The following SPON1 variants were observed in gnomAD, a reference collection of about 807,000 sequenced individuals.
SPON1 encodes spondin 1.
A neutral mutation model predicts 111.7 loss-of-function variants in SPON1; 52 were observed. The ratio of observed to expected loss-of-function variants is 0.47; its 90% CI spans 0.37 to 0.59. The LOEUF is 0.59. Among genes scored for constraint, SPON1 ranks in the 20% least tolerant of loss-of-function variants. SPON1 has a pLI of 0.00. For missense variants in SPON1, 957 were observed against 1,068.5 expected, an observed-to-expected ratio of 0.90 and a Z score of 1.46; for synonymous variants, 410 against 395.8, an observed-to-expected ratio of 1.04 and a Z score of -0.43.
rs11238 is a variant in SPON1, at chr11:14,266,582, G to A, written c.*895G>A. Reference sequence around the variant, plus strand: ...AAAATCTTCCTACACACATCTAGACGTTCAAGTTTGCAAATCAGTTTTTAG... The same window carrying A: ...AAAATCTTCCTACACACATCTAGACATTCAAGTTTGCAAATCAGTTTTTAG... On this transcript the variant is annotated 3_prime_UTR_variant, in exon 16 of 16. Transcript: ENST00000576479. 6 of 151,764 alleles carry A rather than the reference G, an allele frequency of 4.0e-5. No individual in the cohort carries two copies. Among genetic ancestry groups the A allele is most frequent in the African/African-American group, 1.5e-4 (6 of 41,320 alleles). The allele number at this position is 151,764 out of a possible 1,614,324, so 9.4% of individuals were successfully genotyped here.
At chr11:14,112,733 C>T (rs1849235388) in intron 5 of SPON1, among the ~76,000 whole-genome samples, 1 of 152,250 alleles carries the variant, frequency 6.6e-6, no homozygotes, top group Admixed American at 6.5e-5. Flanking sequence ...TGCTATCCAG[C>T]TGACTCTGTC....
intron 6 of SPON1, among the ~76,000 whole-genome samples, chr11:14,226,018 G>T (rs1211385600): frequency 6.6e-6 from 1 of 152,204 alleles, no homozygotes; most frequent in Non-Finnish European, 1.5e-5. Flanking sequence ...TTAAAAATTT[G>T]TAATACCAGT....
chr11:14,139,001 C>T (rs1270045482), intron 6 of SPON1, among the ~76,000 whole-genome samples: 1 of 152,160 alleles, frequency 6.6e-6, no homozygotes, highest in Non-Finnish European at 1.5e-5. Flanking sequence ...CATGCTGCCC[C>T]AGGGCCATCT....
At chr11:14,090,281 C>A (rs1201748437) in intron 5 of SPON1, among the ~76,000 whole-genome samples, 3 of 151,650 alleles carry the variant, frequency 2.0e-5, no homozygotes, top group African/African-American at 7.3e-5. Flanking sequence ...AAAGCCAGGG[C>A]CCTGGACGTG....
intron 3 of SPON1, among the ~76,000 whole-genome samples, chr11:14,045,102 G>A (rs1554917715): frequency 6.6e-6 from 1 of 152,196 alleles, no homozygotes; most frequent in Non-Finnish European, 1.5e-5. Context: ...GATGCTGCCA[G>A]ATTTTTCTCC....
rs2133830003 is a variant in SPON1, at chr11:14,075,555, A to T, written c.553+137A>T. The T allele has an allele frequency of 4.7e-6, 3 of 641,454 alleles. No homozygotes were observed. The East Asian group carries it at 8.2e-5, about 18-fold the overall frequency. The allele number at this position is 641,454 out of a possible 1,614,324, so 39.7% of individuals were successfully genotyped here. ...GGTTCTGCTTCCTCACGTAGCTCCG[A>T]TTTTTAATCTGGCTGTGTGCTGTGG... On this transcript the variant is annotated intron_variant, in intron 4 of 15. Coordinates refer to ENST00000576479, the MANE Select transcript of SPON1 (RefSeq NM_006108.4).
chr11:14,112,529 C>G lies in SPON1; in HGVS notation c.677-22891C>G, dbSNP rs1375227489. On this transcript the variant is annotated intron_variant, in intron 5 of 15. Coordinates refer to ENST00000576479, the MANE Select transcript of SPON1 (RefSeq NM_006108.4). Reference sequence around the variant, plus strand: ...TAATAATAATACTAACTTCATAGGACTAATGTGAGGATGAAGTTAATTAAT... The same window carrying G: ...TAATAATAATACTAACTTCATAGGAGTAATGTGAGGATGAAGTTAATTAAT... Among the ~76,000 whole-genome samples the G allele has an allele frequency of 3.9e-5, 6 of 152,348 alleles. No homozygotes were observed. The South Asian group carries it at 8.3e-4, about 21-fold the overall frequency.
intron 6 of SPON1, among the ~76,000 whole-genome samples, chr11:14,159,837 C>G (rs1847889831): frequency 7.7e-6 from 1 of 129,288 alleles, no homozygotes; most frequent in South Asian, 2.3e-4. Context: ...AAAATCAAAA[C>G]AATTGAACTC....
At chr11:14,007,253 A>T (rs117283677) in intron 2 of SPON1, among the ~76,000 whole-genome samples, 9 of 152,280 alleles carry the variant, frequency 5.9e-5, no homozygotes, top group Non-Finnish European at 8.8e-5. Flanking sequence ...GGTTTTCTAG[A>T]GGGACAGAAC....
At chr11:14,122,453 G>A (rs568465646) in intron 5 of SPON1, among the ~76,000 whole-genome samples, 6 of 152,174 alleles carry the variant, frequency 3.9e-5, no homozygotes, top group Admixed American at 6.5e-5. Context: ...GATTACAGGC[G>A]TGAGCCACTG....
intron 2 of SPON1, among the ~76,000 whole-genome samples, chr11:14,005,729 T>TTAAC (rs1554913025): frequency 1.2e-3 from 183 of 151,918 alleles, no homozygotes; most frequent in African/African-American, 4.3e-3. Flanking sequence ...TTGCTAAGTA[T>TTAAC]TATTATAACA....
intron 6 of SPON1, among the ~76,000 whole-genome samples, chr11:14,236,196 A>G (rs1316461098): frequency 1.3e-5 from 2 of 152,170 alleles, no homozygotes; most frequent in Admixed American, 1.3e-4. Flanking sequence ...AACTGCACTC[A>G]TCTAGCTGAG....
intron 3 of SPON1, among the ~76,000 whole-genome samples, chr11:14,048,496 T>C (rs1848685820): frequency 6.6e-6 from 1 of 152,092 alleles, no homozygotes. Flanking sequence ...GGAAGGAAAA[T>C]ACATAGCAAT....
chr11:14,003,121 C>T (rs543209446), intron 2 of SPON1, among the ~76,000 whole-genome samples: 1 of 152,286 alleles, frequency 6.6e-6, no homozygotes, highest in Non-Finnish European at 1.5e-5. Flanking sequence ...GCAGAGGGAG[C>T]TGACCACTCC....
chr11:14,043,723 T>A (rs1295693716), intron 3 of SPON1, among the ~76,000 whole-genome samples: 1 of 152,210 alleles, frequency 6.6e-6, no homozygotes, highest in Admixed American at 6.5e-5. Flanking sequence ...TTTCTTTGAT[T>A]TATTGTTCTT....
At chr11:14,014,402 G>C (rs1385463471) in intron 2 of SPON1, among the ~76,000 whole-genome samples, 5 of 152,198 alleles carry the variant, frequency 3.3e-5, no homozygotes, top group Non-Finnish European at 7.3e-5. Context: ...TACATGAAAT[G>C]TAGGATTCCT....
intron 5 of SPON1, among the ~76,000 whole-genome samples, chr11:14,087,441 G>A (rs1358454280): frequency 6.6e-6 from 1 of 152,172 alleles, no homozygotes; most frequent in African/African-American, 2.4e-5. Context: ...CAATTTCCAT[G>A]TAGTTGTGTG....
intron 9 of SPON1, among the ~76,000 whole-genome samples, chr11:14,256,203 C>T (rs545797726): frequency 9.2e-5 from 14 of 152,206 alleles, no homozygotes; most frequent in South Asian, 2.1e-4. Context: ...GCCAAGATTG[C>T]GCCATTGCGC....
intron 6 of SPON1, among the ~76,000 whole-genome samples, chr11:14,166,306 G>A (rs11823816): frequency 0.19 from 29,516 of 152,054 alleles, 2,969 homozygotes; most frequent in Admixed American, 0.25. Context: ...AATAGTTTCC[G>A]AATTCTGGAG....
Sources: gnomAD v4.1 joint callset for allele counts (sites outside exome capture counted in the v4.1 genomes callset) on GRCh38, gnomAD v4.1.1 for gene constraint, MANE v1.5 for transcripts, NCBI Gene and HGNC (gene_info 2026-07-23, HGNC 2026-07-21) for gene names.